Variants in FEZ1 observed in about 807,000 individuals in gnomAD.
The protein encoded by FEZ1 is fasciculation and elongation protein zeta 1.
In FEZ1, 20 loss-of-function variants were observed where a neutral mutation model predicts 49.3. The ratio of observed to expected loss-of-function variants is 0.41; its 90% confidence interval spans 0.29 to 0.59. FEZ1 has a LOEUF of 0.59. Ranked by LOEUF, FEZ1 falls within the 20% of genes least tolerant of loss-of-function variation. The pLI is 0.36. For synonymous variants in FEZ1, 170 were observed against 180.9 expected, an observed-to-expected ratio of 0.94 and a Z score of 0.48; for missense variants, 413 against 476.0, an observed-to-expected ratio of 0.87 and a Z score of 1.23.
At chr11:125,476,372 C>T (rs189715401) in intron 3 of FEZ1, among the ~76,000 whole-genome samples, 1 of 152,222 alleles carries the variant, frequency 6.6e-6, no homozygotes, top group Admixed American at 6.5e-5. Context: ...GTTGAGTTGA[C>T]ATTTGCAAAT....
At chr11:125,473,008 A>G (rs1238921973) in intron 3 of FEZ1, among the ~76,000 whole-genome samples, 1 of 152,162 alleles carries the variant, frequency 6.6e-6, no homozygotes, top group East Asian at 1.9e-4. Flanking sequence ...CAAGATTTAT[A>G]TGGAAATGTA....
intron 2 of FEZ1, among the ~76,000 whole-genome samples, chr11:125,482,910 C>A (rs1298304337): frequency 7.8e-6 from 1 of 128,380 alleles, no homozygotes; most frequent in African/African-American, 2.9e-5. Flanking sequence ...CTTAGGAAGT[C>A]GAGGCTGCAG....
chr11:125,491,627 G>C (rs1227736755), intron 1 of FEZ1, among the ~76,000 whole-genome samples: 3 of 152,146 alleles, frequency 2.0e-5, no homozygotes, highest in African/African-American at 7.2e-5. Flanking sequence ...AGGGGAACCA[G>C]ACAGCAAAAT....
intron 3 of FEZ1, among the ~76,000 whole-genome samples, chr11:125,471,431 T>TACACACACACACACACAAACAC (rs1408603084): frequency 8.1e-5 from 12 of 147,882 alleles, no homozygotes; most frequent in African/African-American, 3.0e-4. Flanking sequence ...TTGAGATAGA[T>TACACACACACACACACAAACAC]ACACACACAC....
chr11:125,491,404 C>T (rs983544456), intron 1 of FEZ1, among the ~76,000 whole-genome samples: 4 of 152,160 alleles, frequency 2.6e-5, no homozygotes, highest in African/African-American at 9.7e-5. Flanking sequence ...ATATACACTG[C>T]CTACCCTGTG....
chr11:125,481,746 T>C, intron 2 of FEZ1, 113 bp from the exon 3 acceptor site: 1 of 771,070 alleles, frequency 1.3e-6, no homozygotes, highest in Non-Finnish European at 2.3e-6. Flanking sequence ...CAGGCTGAGA[T>C]CATCTGCCTT....
At chr11:125,460,055 C>A (rs552894311) in intron 5 of FEZ1, among the ~76,000 whole-genome samples, 5 of 151,860 alleles carry the variant, frequency 3.3e-5, no homozygotes, top group African/African-American at 9.7e-5. Context: ...AAGACCATGC[C>A]GCTACACTCC....
intron 3 of FEZ1, among the ~76,000 whole-genome samples, chr11:125,465,184 T>C (rs975388429): frequency 1.3e-5 from 2 of 152,200 alleles, no homozygotes; most frequent in African/African-American, 4.8e-5. Context: ...TAACAGCAAC[T>C]GTTAGTCTAT....
rs1957412746 is a variant in FEZ1 at position 125,493,428 on chromosome 11, A to AAGAG, written c.-46+2692_-46+2693insCTCT. Among the ~76,000 whole-genome samples the AAGAG allele has an allele frequency of 1.4e-4, 5 of 34,968 alleles. 1 individual carries two copies. Among genetic ancestry groups the AAGAG allele is most frequent in the African/African-American group, 9.4e-4 (4 of 4,248 alleles). 22.9% of individuals were successfully genotyped at this position (34,968 alleles called of 152,430 possible). ...AAAGAAAGAAAGAAAGAAAGAAGGA[A>AAGAG]AGAAGGAAAGAAGGAAAGAAGGAAA... On this transcript the variant is annotated intron_variant, in intron 1 of 9. Transcript: ENST00000278919.
intron 8 of FEZ1, 89 bp from the exon 9 acceptor site, chr11:125,448,656 A>C: frequency 2.5e-6 from 2 of 812,122 alleles, no homozygotes; most frequent in East Asian, 4.9e-5. Flanking sequence ...CCAGAGTGAG[A>C]GAGAAATGAT....
At chr11:125,493,283 G>A (rs190188559) in intron 1 of FEZ1, among the ~76,000 whole-genome samples, 11 of 150,114 alleles carry the variant, frequency 7.3e-5, no homozygotes, top group South Asian at 2.1e-4. Flanking sequence ...GCAGTGAGCC[G>A]AGATCATGCC....
intron 3 of FEZ1, among the ~76,000 whole-genome samples, chr11:125,475,433 G>A (rs572792853): frequency 6.6e-6 from 1 of 152,266 alleles, no homozygotes; most frequent in African/African-American, 2.4e-5. Context: ...TTTAAAGATT[G>A]TCCATAACAA....
In FEZ1 at chr11:125,489,846, G is replaced by A. The variant is rs1957365377; in HGVS notation, c.-45-24C>T. ...ATCTAAAAGAAATGAACAGCGTAAT[G>A]TGAGTTTAGACCAGGCTAATCTAAA... On this transcript the variant is annotated intron_variant, in intron 1 of 9. Transcript: ENST00000278919. The surrounding 1 kb of genome is among the most constrained non-coding windows in gnomAD (Gnocchi z 4.2). 2 of 1,503,586 alleles carry A rather than the reference G, an allele frequency of 1.3e-6. No homozygotes were observed. The highest frequency in any genetic ancestry group is 1.4e-5 in the South Asian group (1 of 71,144). 93.1% of individuals were successfully genotyped at this position (1,503,586 alleles called of 1,614,324 possible). A position where few individuals can be genotyped will look rare whatever the true frequency, so the allele number is the denominator to read the frequency against.
At chr11:125,454,786 C>T (rs186030508) in intron 6 of FEZ1, among the ~76,000 whole-genome samples, 75 of 151,326 alleles carry the variant, frequency 5.0e-4, no homozygotes, top group Admixed American at 3.9e-3. Flanking sequence ...GAGGCCGAGG[C>T]GGGGAGATCA....
rs1565307411 is a variant in FEZ1 at position 125,493,523 on chromosome 11, AAAG to A, written c.-46+2595_-46+2597del. Among the ~76,000 whole-genome samples, 15 of 150,670 alleles carry A rather than the reference AAAG, an allele frequency of 1.0e-4. 1 individual carries two copies. Among genetic ancestry groups the A allele is most frequent in the African/African-American group, 3.4e-4 (14 of 40,780 alleles). Reference sequence around the variant, plus strand: ...GAAAGAAAGAGAGAAAGAAAGAAAGAAAGAAAGAAAGAAAGAAAGAAAGAAAGA... The same window carrying A: ...GAAAGAAAGAGAGAAAGAAAGAAAGAAAAGAAAGAAAGAAAGAAAGAAAGA... On this transcript the variant is annotated intron_variant, in intron 1 of 9. Transcript: ENST00000278919.
chr11:125,481,705 G>T, intron 2 of FEZ1, 72 bp from the exon 3 acceptor site: 1 of 1,043,486 alleles, frequency 9.6e-7, no homozygotes, highest in Non-Finnish European at 1.5e-6. Flanking sequence ...GAAGAGCTGG[G>T]CCGGGAGAGG....
intron 4 of FEZ1, among the ~76,000 whole-genome samples, chr11:125,462,858 G>A (rs1418918872): frequency 2.0e-5 from 3 of 151,374 alleles, no homozygotes; most frequent in Non-Finnish European, 4.4e-5. Context: ...AAATTAGCTG[G>A]GCATAGTGAT....
chr11:125,475,256 C>A (rs1957220376), intron 3 of FEZ1, among the ~76,000 whole-genome samples: 1 of 143,372 alleles, frequency 7.0e-6, no homozygotes, highest in Non-Finnish European at 1.5e-5. Context: ...GGCAACACAG[C>A]AAGACCCTGT....
intron 8 of FEZ1, among the ~76,000 whole-genome samples, chr11:125,450,692 G>T (rs966363571): frequency 2.6e-5 from 4 of 152,106 alleles, no homozygotes; most frequent in Non-Finnish European, 4.4e-5. Context: ...AATGTTGGAA[G>T]GTAGTATATC....
Sources: allele counts gnomAD v4.1 joint callset (sites outside exome capture counted in the v4.1 genomes callset), GRCh38; gene constraint gnomAD v4.1.1; non-coding constraint Gnocchi (gnomAD v3.1); transcripts MANE v1.5; gene names NCBI Gene and HGNC (gene_info 2026-07-23, HGNC 2026-07-21).